PTPRM: variants seen among roughly 807,000 people sequenced by gnomAD.
The protein encoded by PTPRM is protein tyrosine phosphatase receptor type M, also known as receptor-type tyrosine-protein phosphatase mu.
PTPRM carries 47 observed loss-of-function variants against 186.7 expected under a neutral mutation model. The ratio of observed to expected loss-of-function variants is 0.25; its 90% CI spans 0.20 to 0.32. The LOEUF is 0.32. Among genes scored for constraint, PTPRM ranks in the 10% least tolerant of loss-of-function variants. The probability of loss-of-function intolerance (pLI) is 1.00; values close to 1 mark genes in which losing one functional copy is unlikely to be tolerated. For missense variants in PTPRM, 1,494 were observed against 1,865.0 expected, an observed-to-expected ratio of 0.80 and a Z score of 3.66; for synonymous variants, 668 against 674.9, an observed-to-expected ratio of 0.99 and a Z score of 0.16.
intron 21 of PTPRM, among the ~76,000 whole-genome samples, chr18:8,315,551 G>A (rs1273636924): frequency 1.3e-5 from 2 of 152,146 alleles, no homozygotes; most frequent in Non-Finnish European, 2.9e-5. Context: ...AAAATCAAGG[G>A]AAAGTTGCTG....
At chr18:7,681,392 A>G (rs2039476924) in intron 1 of PTPRM, among the ~76,000 whole-genome samples, 1 of 152,124 alleles carries the variant, frequency 6.6e-6, no homozygotes, top group Non-Finnish European at 1.5e-5. Flanking sequence ...GGCTGAAAGC[A>G]CTTTTTCTTA....
rs11874546 is a variant in PTPRM, at chr18:8,162,632, C to A, written c.2300+18853C>A. On this transcript the variant is annotated intron_variant, in intron 14 of 32. Coordinates refer to ENST00000580170, the MANE Select transcript of PTPRM (RefSeq NM_001105244.2). Reference sequence around the variant, plus strand: ...TGACCAAGGCCGGAGACCCAGAGATCATCTAAGAACAAGGCTGTTGCTAAC... The same window carrying A: ...TGACCAAGGCCGGAGACCCAGAGATAATCTAAGAACAAGGCTGTTGCTAAC... Among the ~76,000 whole-genome samples the A allele has an allele frequency of 1.1e-3, 163 of 152,326 alleles. 1 individual carries two copies. The highest frequency in any genetic ancestry group is 3.8e-3 in the African/African-American group (159 of 41,572).
At chr18:7,788,961 C>CT (rs1037002653) in intron 2 of PTPRM, among the ~76,000 whole-genome samples, 4 of 151,842 alleles carry the variant, frequency 2.6e-5, no homozygotes, top group Admixed American at 6.6e-5. Context: ...TTTGGTTCTC[C>CT]TTTTTTTTCA....
At position 7,568,860 on chromosome 18, in the gene PTPRM, A is replaced by C. The variant is rs2036503487; in HGVS notation, c.73+969A>C. Among the ~76,000 whole-genome samples, 2 of 152,026 alleles carry C rather than the reference A, an allele frequency of 1.3e-5. No homozygotes were observed. Among genetic ancestry groups the C allele is most frequent in the Admixed American group, 1.3e-4 (2 of 15,276 alleles). On this transcript the variant is annotated intron_variant, in intron 1 of 32. Coordinates refer to ENST00000580170, the MANE Select transcript of PTPRM (RefSeq NM_001105244.2). The surrounding 1 kb of genome is among the most constrained non-coding windows in gnomAD (Gnocchi z 5.1). ...GTCACAGGGGTTTACAACCAGGATG[A>C]CCTTTATTACCTGGGTGACACAGGT...
At chr18:8,278,772 A>G (rs533665456) in intron 19 of PTPRM, among the ~76,000 whole-genome samples, 2 of 152,284 alleles carry the variant, frequency 1.3e-5, no homozygotes, top group East Asian at 3.9e-4. Flanking sequence ...ATGCTCTGCT[A>G]CAAGTCTGCG....
At chr18:7,878,734 G>A (rs1186413820) in intron 2 of PTPRM, among the ~76,000 whole-genome samples, 1 of 152,048 alleles carries the variant, frequency 6.6e-6, no homozygotes, top group Admixed American at 6.6e-5. Context: ...GAGTAGCATA[G>A]GCTTTTTTTT....
chr18:8,031,303 C>T (rs73385648), intron 7 of PTPRM, among the ~76,000 whole-genome samples: 3,485 of 152,226 alleles, frequency 0.023, 127 homozygotes, highest in African/African-American at 0.079. Context: ...GCAGATAGTG[C>T]TAACAGCTTT....
intron 1 of PTPRM, among the ~76,000 whole-genome samples, chr18:7,664,274 G>A (rs550561925): frequency 6.6e-6 from 1 of 152,234 alleles, no homozygotes; most frequent in Admixed American, 6.5e-5. Context: ...GTAGTGAGTG[G>A]CTGAGAACCT....
chr18:7,772,399 CTTTCTT>C (rs2030199801), intron 1 of PTPRM, among the ~76,000 whole-genome samples: 1 of 94,606 alleles, frequency 1.1e-5, no homozygotes, highest in Admixed American at 1.2e-4. Context: ...TTCTTTCTTT[CTTTCTT>C]TCTTTCTTTT....
At chr18:8,074,540 C>T (rs948409292) in intron 8 of PTPRM, among the ~76,000 whole-genome samples, 5 of 152,090 alleles carry the variant, frequency 3.3e-5, no homozygotes, top group African/African-American at 1.2e-4. Context: ...ATGGGGTTTC[C>T]GATTACTCTT....
At chr18:7,661,119 TGAA>T (rs1206033641) in intron 1 of PTPRM, among the ~76,000 whole-genome samples, 5 of 152,236 alleles carry the variant, frequency 3.3e-5, no homozygotes, top group African/African-American at 1.2e-4. Context: ...GGAAAAATGA[TGAA>T]GAGGCAAAGC....
intron 32 of PTPRM, among the ~76,000 whole-genome samples, chr18:8,400,186 A>G (rs145512344): frequency 1.5e-3 from 235 of 152,330 alleles, no homozygotes; most frequent in African/African-American, 5.5e-3. Flanking sequence ...AGAAAAGAGC[A>G]TCTCCTCAGT....
rs1307485008 is a variant in PTPRM, at chr18:7,652,367, C to T, written c.73+84476C>T. Reference sequence around the variant, plus strand: ...TGGCGATTCCTCAGGGATCTAGAACCAGAAATACCATTTGACCCAGCCATC... The same window carrying T: ...TGGCGATTCCTCAGGGATCTAGAACTAGAAATACCATTTGACCCAGCCATC... On this transcript the variant is annotated intron_variant, in intron 1 of 32. Coordinates refer to ENST00000580170, the MANE Select transcript of PTPRM (RefSeq NM_001105244.2). Among the ~76,000 whole-genome samples, 28 of 151,876 alleles carry T rather than the reference C, an allele frequency of 1.8e-4. 1 individual carries two copies. Among genetic ancestry groups the T allele is most frequent in the Admixed American group, 1.6e-3 (24 of 15,232 alleles).
rs553689658 is a variant in PTPRM at position 7,594,562 on chromosome 18, A to G, written c.73+26671A>G. ...ATCAGGGTGAAAAAGTAAGGTGTGT[A>G]TATCGCTCATTAGATGTTGGTTTTA... On this transcript the variant is annotated intron_variant, in intron 1 of 32. Coordinates refer to ENST00000580170, the MANE Select transcript of PTPRM (RefSeq NM_001105244.2). Among the ~76,000 whole-genome samples, 52 of 152,146 alleles carry G rather than the reference A, an allele frequency of 3.4e-4. 1 individual carries two copies. The highest frequency in any genetic ancestry group is 6.2e-4 in the Non-Finnish European group (42 of 68,034).
intron 14 of PTPRM, among the ~76,000 whole-genome samples, chr18:8,236,341 A>G (rs1197008626): frequency 2.6e-5 from 4 of 152,140 alleles, no homozygotes; most frequent in African/African-American, 7.2e-5. Flanking sequence ...ATCCCTGGTA[A>G]TTGTTTTTGC....
rs1247643433 is a variant in PTPRM at position 8,123,317 on chromosome 18, G to A, written c.2167+8490G>A. ...TTTCACTCCAGCAATTGTTTTTTGTGTGTGAAACTAGGCAATGTCCCCTAA... is the reference window on the plus strand; with the variant it reads ...TTTCACTCCAGCAATTGTTTTTTGTATGTGAAACTAGGCAATGTCCCCTAA... On this transcript the variant is annotated intron_variant, in intron 13 of 32. Transcript: ENST00000580170. 7.9e-5 allele frequency among the ~76,000 whole-genome samples: 12 copies of A among 152,138 alleles called. 1 individual carries two copies.
intron 14 of PTPRM, among the ~76,000 whole-genome samples, chr18:8,173,498 G>T (rs1174858730): frequency 1.3e-5 from 2 of 152,238 alleles, no homozygotes; most frequent in Non-Finnish European, 2.9e-5. Flanking sequence ...TAACTGCCCA[G>T]TGGGTTCTTG....
At chr18:8,388,144 T>A (rs1366662345) in intron 31 of PTPRM, among the ~76,000 whole-genome samples, 3 of 152,200 alleles carry the variant, frequency 2.0e-5, no homozygotes, top group Non-Finnish European at 4.4e-5. Context: ...TTGGCAGTGA[T>A]ATGTAGCTAA....
intron 1 of PTPRM, among the ~76,000 whole-genome samples, chr18:7,744,437 G>A (rs1260850110): frequency 1.3e-5 from 2 of 152,084 alleles, no homozygotes; most frequent in Non-Finnish European, 2.9e-5. Flanking sequence ...TATTTGAGAA[G>A]GTCTTATATA....
Sources: allele counts gnomAD v4.1 joint callset (sites outside exome capture counted in the v4.1 genomes callset), GRCh38; gene constraint gnomAD v4.1.1; non-coding constraint Gnocchi (gnomAD v3.1); transcripts MANE v1.5; gene names NCBI Gene and HGNC (gene_info 2026-07-23, HGNC 2026-07-21).